Variants in STPG2 observed in about 807,000 individuals in gnomAD.
STPG2 encodes the protein sperm-tail PG-rich repeat-containing protein 2.
A neutral mutation model predicts 54.2 loss-of-function variants in STPG2; 56 were observed. The observed-to-expected ratio is 1.03, with a 90% CI of 0.83 to 1.29. The LOEUF is 1.29. STPG2 is among the 50% of genes most tolerant of loss of function. The probability of loss-of-function intolerance (pLI) is 0.00; values close to 1 mark genes in which losing one functional copy is unlikely to be tolerated. For missense variants in STPG2, 596 were observed against 544.9 expected, an observed-to-expected ratio of 1.09 and a Z score of -0.93; for synonymous variants, 200 against 181.8, an observed-to-expected ratio of 1.10 and a Z score of -0.81.
rs558200129 is a variant in STPG2 at position 97,775,381 on chromosome 4, T to A, written c.1205-62567A>T. On this transcript the variant is annotated intron_variant, in intron 9 of 10. Transcript: ENST00000295268. ...TAACTTGTCATTTACATTAGGTAAA[T>A]CTCCTAATGCTATCCCTAGAAATTA... Among the ~76,000 whole-genome samples, 235 of 152,106 alleles carry A rather than the reference T, an allele frequency of 1.5e-3. 1 individual carries two copies. The highest frequency in any genetic ancestry group is 5.6e-3 in the African/African-American group (232 of 41,502).
At chr4:97,931,669 T>A (rs946233322) in intron 8 of STPG2, among the ~76,000 whole-genome samples, 1 of 151,038 alleles carries the variant, frequency 6.6e-6, no homozygotes, top group Non-Finnish European at 1.5e-5. Context: ...TTGTTTTTTG[T>A]TGTTGTTGTT....
intron 8 of STPG2, among the ~76,000 whole-genome samples, chr4:97,858,587 A>G (rs1244469108): frequency 6.6e-6 from 1 of 152,094 alleles, no homozygotes; most frequent in Non-Finnish European, 1.5e-5. Context: ...AGAGTCCATT[A>G]CATGATTCTT....
intron 5 of STPG2, among the ~76,000 whole-genome samples, chr4:98,000,401 T>C (rs987633688): frequency 6.6e-6 from 1 of 152,154 alleles, no homozygotes; most frequent in African/African-American, 2.4e-5. Context: ...AAGAAAATAG[T>C]TCTTTTATTT....
intron 8 of STPG2, among the ~76,000 whole-genome samples, chr4:97,868,370 A>ATG (rs2149150634): frequency 6.6e-6 from 1 of 151,958 alleles, no homozygotes; most frequent in South Asian, 2.1e-4. Flanking sequence ...GCCTGAGATC[A>ATG]TGTCTTTTCA....
chr4:97,908,072 T>A (rs1269319696), intron 8 of STPG2, among the ~76,000 whole-genome samples: 8 of 151,398 alleles, frequency 5.3e-5, no homozygotes, highest in African/African-American at 1.9e-4. Context: ...ACCATCAGAG[T>A]GAACAGGCAA....
chr4:97,576,372 G>A (rs763008191), intron 10 of STPG2, among the ~76,000 whole-genome samples: 2 of 150,832 alleles, frequency 1.3e-5, no homozygotes, highest in African/African-American at 2.4e-5. Context: ...GCCATACTAC[G>A]AGGCTATGGT....
intron 5 of STPG2, among the ~76,000 whole-genome samples, chr4:98,055,934 T>C (rs540075576): frequency 6.6e-6 from 1 of 152,236 alleles, no homozygotes; most frequent in African/African-American, 2.4e-5. Context: ...GAACACTGGA[T>C]AGCTCCAGAG....
At chr4:97,776,425 CCA>C (rs1726376896) in intron 9 of STPG2, among the ~76,000 whole-genome samples, 1 of 152,212 alleles carries the variant, frequency 6.6e-6, no homozygotes, top group South Asian at 2.1e-4. Context: ...TGCTTCCCCT[CCA>C]TTGCCTATTC....
chr4:97,958,099 C>T (rs920774525), intron 7 of STPG2, among the ~76,000 whole-genome samples: 1 of 152,038 alleles, frequency 6.6e-6, no homozygotes, highest in Non-Finnish European at 1.5e-5. Context: ...CACTTGAGGT[C>T]AGGAGTTTGA....
chr4:97,634,488 G>C (rs1337601623), intron 10 of STPG2, among the ~76,000 whole-genome samples: 4 of 152,206 alleles, frequency 2.6e-5, no homozygotes, highest in Non-Finnish European at 4.4e-5. Context: ...AAGCTGGACA[G>C]AGAATGACTT....
At chr4:97,525,487 A>T (rs1447696937) in intron 4 of STPG2, among the ~76,000 whole-genome samples, 3 of 151,896 alleles carry the variant, frequency 2.0e-5, no homozygotes, top group African/African-American at 7.2e-5. Context: ...GGGCTTCAAA[A>T]CTCTTCAAAA....
chr4:97,710,461 T>C (rs1724077992), intron 10 of STPG2, among the ~76,000 whole-genome samples: 1 of 152,082 alleles, frequency 6.6e-6, no homozygotes, highest in African/African-American at 2.4e-5. Flanking sequence ...CATTGGACAG[T>C]TGGGGATCCT....
At chr4:97,703,118 G>A (rs967295174) in intron 10 of STPG2, among the ~76,000 whole-genome samples, 1 of 152,000 alleles carries the variant, frequency 6.6e-6, no homozygotes, top group Admixed American at 6.6e-5. Flanking sequence ...AGACTGACTA[G>A]ACTCCTTGCT....
intron 5 of STPG2, among the ~76,000 whole-genome samples, chr4:98,029,184 A>G (rs575369299): frequency 1.5e-4 from 23 of 152,284 alleles, no homozygotes; most frequent in Admixed American, 8.5e-4. Flanking sequence ...GGCATGTTCT[A>G]TAAGTGCTTA....
At chr4:97,492,390 C>T (rs80245772) in intron 4 of STPG2, among the ~76,000 whole-genome samples, 1 of 151,504 alleles carries the variant, frequency 6.6e-6, no homozygotes, top group Non-Finnish European at 1.5e-5. Context: ...GAGAGGGGCA[C>T]TCTTTCTCCC....
chr4:97,759,001 A>G (rs1725812640), intron 9 of STPG2, among the ~76,000 whole-genome samples: 1 of 152,184 alleles, frequency 6.6e-6, no homozygotes, highest in South Asian at 2.1e-4. Context: ...TAATATTTAT[A>G]TTAAATTCTT....
intron 5 of STPG2, among the ~76,000 whole-genome samples, chr4:98,033,245 G>A (rs201820752): frequency 6.6e-6 from 1 of 151,870 alleles, no homozygotes; most frequent in South Asian, 2.1e-4. Context: ...GAATCAAATA[G>A]ATGCAATAAA....
intron 5 of STPG2, among the ~76,000 whole-genome samples, chr4:98,034,785 A>G (rs530622429): frequency 5.9e-5 from 9 of 152,318 alleles, no homozygotes; most frequent in African/African-American, 2.2e-4. Context: ...TGCCTCAGAA[A>G]TAACACCACA....
chr4:97,822,392 C>T (rs1399836119), intron 9 of STPG2, among the ~76,000 whole-genome samples: 2 of 152,212 alleles, frequency 1.3e-5, no homozygotes, highest in African/African-American at 4.8e-5. Flanking sequence ...CCAAACTTTT[C>T]CTCATCTTTC....
Sources: allele counts gnomAD v4.1 joint callset (sites outside exome capture counted in the v4.1 genomes callset), GRCh38; gene constraint gnomAD v4.1.1; transcripts MANE v1.5; gene names NCBI Gene and HGNC (gene_info 2026-07-23, HGNC 2026-07-21).